AGXT2: variants seen among roughly 807,000 people sequenced by gnomAD.
AGXT2 encodes alanine--glyoxylate aminotransferase 2, mitochondrial.
A neutral mutation model predicts 62.5 loss-of-function variants in AGXT2; 61 were observed. The ratio of observed to expected loss-of-function variants is 0.98; its 90% CI spans 0.79 to 1.21. The LOEUF is 1.21. AGXT2 is among the 50% of genes most tolerant of loss of function. The pLI is 0.00. For missense variants in AGXT2, 666 were observed against 641.5 expected, an observed-to-expected ratio of 1.04 and a Z score of -0.41; for synonymous variants, 243 against 218.7, an observed-to-expected ratio of 1.11 and a Z score of -0.98.
intron 4 of AGXT2, among the ~76,000 whole-genome samples, chr5:35,036,608 C>T (rs1767775776): frequency 1.3e-5 from 2 of 152,204 alleles, no homozygotes; most frequent in Non-Finnish European, 2.9e-5. Context: ...TAGATGAGAA[C>T]ATCAAGAGGC....
intron 7 of AGXT2, chr5:35,027,106 A>T: frequency 6.7e-6 from 5 of 742,482 alleles, no homozygotes; most frequent in Non-Finnish European, 8.2e-6. Flanking sequence ...TTCTCCGATT[A>T]ATCAGGAGGT....
chr5:35,003,734 C>G, intron 13 of AGXT2, 29 bp downstream of exon 13: 2 of 1,581,552 alleles, frequency 1.3e-6, no homozygotes, highest in South Asian at 1.1e-5. Context: ...CTACCTAGAG[C>G]GATAGGTAAA....
chr5:35,012,609 C>A, intron 11 of AGXT2: 2 of 320,592 alleles, frequency 6.2e-6, no homozygotes, highest in East Asian at 1.5e-4. Flanking sequence ...AGAAAAAATA[C>A]ACAAGAGAAG....
chr5:35,011,958 G>A (rs34186735), intron 11 of AGXT2, among the ~76,000 whole-genome samples: 5,837 of 133,376 alleles, frequency 0.044, 139 homozygotes, highest in Non-Finnish European at 0.062. Flanking sequence ...ACACACACAC[G>A]CCATGGAATA....
intron 12 of AGXT2, among the ~76,000 whole-genome samples, chr5:35,007,438 T>C (rs1766469275): frequency 6.6e-6 from 1 of 152,174 alleles, no homozygotes; most frequent in African/African-American, 2.4e-5. Flanking sequence ...ATCTCCTGGA[T>C]AGAGGAGAAG....
At chr5:35,021,815 A>G (rs1580588928) in intron 9 of AGXT2, among the ~76,000 whole-genome samples, 2 of 152,322 alleles carry the variant, frequency 1.3e-5, no homozygotes. Flanking sequence ...AATTTTCGCA[A>G]CCTACTCATC....
chr5:35,040,762 T>C, intron 1 of AGXT2, 99 bp from the exon 2 acceptor site: 3 of 930,508 alleles, frequency 3.2e-6, no homozygotes, highest in African/African-American at 1.6e-5. Context: ...TAGATAATTT[T>C]ATTTCTTAGT....
intron 12 of AGXT2, among the ~76,000 whole-genome samples, chr5:35,006,375 G>T (rs1160930425): frequency 6.6e-6 from 1 of 152,130 alleles, no homozygotes; most frequent in Non-Finnish European, 1.5e-5. Context: ...GGTTTAATTG[G>T]CTCACAGTTC....
intron 7 of AGXT2, among the ~76,000 whole-genome samples, chr5:35,027,801 T>C (rs559946464): frequency 6.7e-6 from 1 of 150,180 alleles, no homozygotes; most frequent in African/African-American, 2.4e-5. Context: ...CTTTAAATTA[T>C]GAGCTTGAGG....
At position 35,035,228 on chromosome 5, in the gene AGXT2, G is replaced by T; in HGVS notation, c.575C>A (p.Ser192Tyr). The change falls in exon 5 of 14, where the codon TCT becomes TAT. Residue 192 changes from serine (S) to tyrosine (Y), a missense_variant. Physicochemically the swap from Ser to Tyr is moderately radical, Grantham distance 144. Transcript: ENST00000231420. ...TATTCCAAGTTGTGATTACCTGAAA[G>T]AAATGATGTCTATGTTGTTTGAGTG... is the stretch of plus-strand genomic sequence containing the variant. ...RAHSNNIDII[S>Y]FRGAYHGCSP... 1 of 1,613,968 alleles carries T rather than the reference G, an allele frequency of 6.2e-7. No homozygotes were observed. Among genetic ancestry groups the T allele is most frequent in the Non-Finnish European group, 8.5e-7 (1 of 1,179,818 alleles).
chr5:35,026,328 G>T, intron 8 of AGXT2, 82 bp downstream of exon 8: 1 of 1,150,706 alleles, frequency 8.7e-7, no homozygotes. Flanking sequence ...TAATTCATTT[G>T]GAATTCTCTA....
In AGXT2 at chr5:35,033,504, C is replaced by T; in HGVS notation, c.631G>A (p.Gly211Arg). The T allele has an allele frequency of 1.9e-6, 3 of 1,613,816 alleles. No individual in the cohort carries two copies. Among genetic ancestry groups the T allele is most frequent in the Non-Finnish European group, 2.5e-6 (3 of 1,179,742 alleles). The change falls in exon 6 of 14, where the codon GGG (glycine) becomes AGG (arginine). Residue 211 changes from glycine to arginine, a missense_variant. Physicochemically the swap from Gly to Arg is moderately radical, Grantham distance 125 (BLOSUM62 -2). Transcript: ENST00000231420. ...CCAGGGAGTTCCATCTTGTAGGTCC[C>T]TACGTTTGTCAAGCCAAGTGTGTAA... ...SPYTLGLTNV[G>R]TYKMELPGGT...
At chr5:35,002,700 C>T (rs1209779350) in intron 13 of AGXT2, among the ~76,000 whole-genome samples, 1 of 152,188 alleles carries the variant, frequency 6.6e-6, no homozygotes, top group Non-Finnish European at 1.5e-5. Context: ...TTGGACTTCT[C>T]TGCCTCCAGA....
In AGXT2 at chr5:35,047,948, C is replaced by A; in HGVS notation, c.-56G>T. ...AAGCAGATTGGAGGCCGGGCTCTAA[C>A]TGCTCACTATCCTGCTGGACTTTGA... On this transcript the variant is annotated 5_prime_UTR_variant, in exon 1 of 14. Coordinates refer to ENST00000231420, the MANE Select transcript of AGXT2 (RefSeq NM_031900.4). 6.2e-7 allele frequency: 1 copy of A among 1,610,664 alleles called. No homozygotes were observed. Among genetic ancestry groups the A allele is most frequent in the Non-Finnish European group, 8.5e-7 (1 of 1,178,398 alleles).
At position 35,036,473 on chromosome 5, in the gene AGXT2, A is replaced by T. The variant is rs79340849; in HGVS notation, c.486+469T>A. Among the ~76,000 whole-genome samples, 507 of 152,352 alleles carry T rather than the reference A, an allele frequency of 3.3e-3. 5 individuals carry two copies. The highest frequency in any genetic ancestry group is 0.012 in the African/African-American group (488 of 41,596). On this transcript the variant is annotated intron_variant, in intron 4 of 13. Coordinates refer to ENST00000231420, the MANE Select transcript of AGXT2 (RefSeq NM_031900.4). ...ACAGCTCATGTAGAAAAAAATATCTAAGTGTAATTTGGACCAAATGAACCA... is the reference window on the plus strand; with the variant it reads ...ACAGCTCATGTAGAAAAAAATATCTTAGTGTAATTTGGACCAAATGAACCA...
At chr5:35,038,579 C>A in intron 3 of AGXT2, among the ~76,000 whole-genome samples, 1 of 152,308 alleles carries the variant, frequency 6.6e-6, no homozygotes, top group South Asian at 2.1e-4. Context: ...TACCTCCTGA[C>A]AGCTGCCTGA....
intron 9 of AGXT2, among the ~76,000 whole-genome samples, chr5:35,021,625 A>T (rs1438357130): frequency 1.6e-4 from 24 of 152,160 alleles, no homozygotes; most frequent in African/African-American, 5.8e-4. Flanking sequence ...AAACCCTAGA[A>T]GAAAACCTAG....
intron 1 of AGXT2, among the ~76,000 whole-genome samples, chr5:35,041,223 CAAAAAAA>C (rs3034208): frequency 7.8e-5 from 4 of 51,404 alleles, no homozygotes; most frequent in African/African-American, 3.6e-4. Context: ...CTCCCCCCGC[CAAAAAAA>C]AAAAAAAAAA....
intron 12 of AGXT2, among the ~76,000 whole-genome samples, chr5:35,006,385 C>G (rs1766417777): frequency 6.6e-6 from 1 of 152,174 alleles, no homozygotes; most frequent in Non-Finnish European, 1.5e-5. Flanking sequence ...GCTCACAGTT[C>G]TACAGGCTGT....
Sources: allele counts gnomAD v4.1 joint callset (sites outside exome capture counted in the v4.1 genomes callset), GRCh38; gene constraint gnomAD v4.1.1; transcripts MANE v1.5; gene names NCBI Gene and HGNC (gene_info 2026-07-23, HGNC 2026-07-21).